Variants in ADCY8 observed in about 807,000 individuals in gnomAD.
ADCY8 encodes adenylate cyclase type 8.
Under a neutral mutation model 119.7 loss-of-function variants are expected in ADCY8, and 51 were observed. The ratio of observed to expected loss-of-function variants is 0.43; its 90% CI spans 0.34 to 0.54. The LOEUF (loss-of-function observed/expected upper bound fraction) is 0.54. Among genes scored for constraint, ADCY8 ranks in the 20% least tolerant of loss-of-function variants. The probability of loss-of-function intolerance (pLI) is 0.03; values close to 1 mark genes in which losing one functional copy is unlikely to be tolerated. For missense variants in ADCY8, 1,383 were observed against 1,598.8 expected (o/e 0.87, Z 2.30); for synonymous variants, 665 against 651.0 (o/e 1.02, Z -0.33).
At chr8:130,937,884 A>G (rs1201705432) in intron 4 of ADCY8, among the ~76,000 whole-genome samples, 2 of 152,104 alleles carry the variant, frequency 1.3e-5, no homozygotes, top group Non-Finnish European at 2.9e-5. Context: ...CCTCACAACA[A>G]CCCTCTAAGG....
At chr8:130,831,850 A>G (rs1464550738) in intron 12 of ADCY8, among the ~76,000 whole-genome samples, 1 of 152,186 alleles carries the variant, frequency 6.6e-6, no homozygotes, top group Non-Finnish European at 1.5e-5. Flanking sequence ...CCAGAGTGGC[A>G]GCATTTGTGA....
intron 9 of ADCY8, among the ~76,000 whole-genome samples, chr8:130,859,106 C>T (rs1249001388): frequency 6.6e-6 from 1 of 152,150 alleles, no homozygotes; most frequent in Non-Finnish European, 1.5e-5. Context: ...GGTAGATGTG[C>T]TCATTACCAC....
intron 12 of ADCY8, among the ~76,000 whole-genome samples, chr8:130,822,506 TCATGAATC>T (rs1279380340): frequency 6.2e-5 from 9 of 144,330 alleles, no homozygotes; most frequent in South Asian, 4.5e-4. Flanking sequence ...ATCCATCCAT[TCATGAATC>T]CATGAATCCA....
At chr8:130,863,605 TC>T (rs1240266621) in intron 9 of ADCY8, among the ~76,000 whole-genome samples, 1 of 152,174 alleles carries the variant, frequency 6.6e-6, no homozygotes, top group Non-Finnish European at 1.5e-5. Flanking sequence ...TTTTATTTTT[TC>T]CTAGCATATC....
At chr8:130,935,815 G>T (rs6993226) in intron 5 of ADCY8, among the ~76,000 whole-genome samples, 1 of 152,126 alleles carries the variant, frequency 6.6e-6, no homozygotes, top group South Asian at 2.1e-4. Flanking sequence ...TGGGTTGTCT[G>T]TGGAAATATC....
At chr8:130,899,674 G>A (rs890639122) in intron 7 of ADCY8, among the ~76,000 whole-genome samples, 1 of 152,044 alleles carries the variant, frequency 6.6e-6, no homozygotes, top group African/African-American at 2.4e-5. Context: ...TTCATTACTG[G>A]ATCCTCAGTA....
At chr8:130,969,874 T>G (rs926409216) in intron 2 of ADCY8, among the ~76,000 whole-genome samples, 3 of 151,254 alleles carry the variant, frequency 2.0e-5, no homozygotes, top group Non-Finnish European at 4.4e-5. Flanking sequence ...AACAAGTGAG[T>G]AGTGGGACCA....
chr8:130,865,078 A>T (rs1818068844), intron 9 of ADCY8, among the ~76,000 whole-genome samples: 1 of 152,044 alleles, frequency 6.6e-6, no homozygotes, highest in African/African-American at 2.4e-5. Context: ...TCCCCTCTTG[A>T]TATGGGCTTC....
chr8:130,780,373 A>AAC lies in ADCY8; in HGVS notation c.*16_*17insGT, dbSNP rs1554599517. 3.6e-6 allele frequency: 5 copies of AAC among 1,405,218 alleles called. No homozygotes were observed. In the African/African-American group the frequency reaches 4.4e-5, roughly 12 times the overall value. The allele number at this position is 1,405,218 out of a possible 1,614,324, so 87.0% of individuals were successfully genotyped here. A position where few individuals can be genotyped will look rare whatever the true frequency, so the allele number is the denominator to read the frequency against. ...TATAAAAGAAATACAAAAAAAAAAA[A>AAC]CAGAAAGAAAATGCTTTTATGGCAA... is the stretch of plus-strand genomic sequence containing the variant. On this transcript the variant is annotated 3_prime_UTR_variant, in exon 18 of 18. Coordinates refer to ENST00000286355, the MANE Select transcript of ADCY8 (RefSeq NM_001115.3).
At chr8:130,867,725 T>C in intron 9 of ADCY8, 121 bp downstream of exon 9, 1 of 563,992 alleles carries the variant, frequency 1.8e-6, no homozygotes, top group Non-Finnish European at 3.1e-6. Context: ...TCAAACATTT[T>C]GGTATGCGTC....
chr8:130,928,858 A>G (rs1820548055), intron 5 of ADCY8, among the ~76,000 whole-genome samples: 1 of 152,144 alleles, frequency 6.6e-6, no homozygotes, highest in African/African-American at 2.4e-5. Context: ...AAGAGTTTGA[A>G]AAGAATTGAT....
rs1159145060 is a variant in ADCY8 at position 130,800,360 on chromosome 8, T to C, written c.3060+66A>G. Reference sequence around the variant, plus strand: ...AAAAAAAAATAAGTAATTCCTACAATGAATAACACAACGCTTTGACAACGA... The same window carrying C: ...AAAAAAAAATAAGTAATTCCTACAACGAATAACACAACGCTTTGACAACGA... On this transcript the variant is annotated intron_variant, in intron 15 of 17. Transcript: ENST00000286355. The C allele has an allele frequency of 1.2e-5, 18 of 1,549,506 alleles. No individual in the cohort carries two copies. In the Admixed American group the frequency reaches 2.6e-4, roughly 23 times the overall value.
At chr8:130,879,715 T>G (rs1818697474) in intron 8 of ADCY8, among the ~76,000 whole-genome samples, 1 of 152,198 alleles carries the variant, frequency 6.6e-6, no homozygotes, top group South Asian at 2.1e-4. Flanking sequence ...TAGTTAAATG[T>G]GCAATGAGAT....
chr8:130,820,207 A>G (rs1816465478), intron 13 of ADCY8, among the ~76,000 whole-genome samples: 1 of 152,152 alleles, frequency 6.6e-6, no homozygotes, highest in Non-Finnish European at 1.5e-5. Context: ...ACACTGTACA[A>G]TCCCCTTTAT....
At chr8:130,814,782 C>T (rs1341368136) in intron 13 of ADCY8, among the ~76,000 whole-genome samples, 2 of 152,112 alleles carry the variant, frequency 1.3e-5, no homozygotes, top group Admixed American at 6.5e-5. Flanking sequence ...GGGAAACTGC[C>T]CCCATGGCTC....
At position 130,864,547 on chromosome 8, in the gene ADCY8, C is replaced by A. The variant is rs190402858; in HGVS notation, c.2210+3299G>T. ...TTTGACCCGTGTCCCCTGCCCAACC[C>A]CCATTCACTTTTGTCTTTGCATTTC... On this transcript the variant is annotated intron_variant, in intron 9 of 17. Transcript: ENST00000286355. 5.3e-5 allele frequency among the ~76,000 whole-genome samples: 8 copies of A among 152,260 alleles called. No individual in the cohort carries two copies. In the East Asian group the frequency reaches 1.5e-3, roughly 29 times the overall value.
intron 1 of ADCY8, among the ~76,000 whole-genome samples, chr8:131,016,247 G>A (rs1296979311): frequency 6.6e-6 from 1 of 152,122 alleles, no homozygotes; most frequent in African/African-American, 2.4e-5. Context: ...TAAGAGGCTG[G>A]GCATGGTGGC....
chr8:131,021,299 C>G (rs1474205097), intron 1 of ADCY8, among the ~76,000 whole-genome samples: 2 of 152,082 alleles, frequency 1.3e-5, no homozygotes, highest in African/African-American at 4.8e-5. Context: ...GCCCACCAAC[C>G]TTCTGTATGG....
At chr8:130,999,546 C>A (rs1182725559) in intron 1 of ADCY8, among the ~76,000 whole-genome samples, 1 of 152,114 alleles carries the variant, frequency 6.6e-6, no homozygotes, top group Non-Finnish European at 1.5e-5. Context: ...TCCTGAGGGG[C>A]CCGTCCTCTC....
Sources: allele counts gnomAD v4.1 joint callset (sites outside exome capture counted in the v4.1 genomes callset), GRCh38; gene constraint gnomAD v4.1.1; transcripts MANE v1.5; gene names NCBI Gene and HGNC (gene_info 2026-07-23, HGNC 2026-07-21).